MFSD11: variants seen among roughly 807,000 people sequenced by gnomAD.
MFSD11 encodes UNC93-like protein MFSD11.
In MFSD11, 36 loss-of-function variants were observed where a neutral mutation model predicts 53.5. The observed-to-expected ratio is 0.67, with a 90% CI of 0.52 to 0.89. The LOEUF (loss-of-function observed/expected upper bound fraction) is 0.89, where lower values mean the gene tolerates loss of function less well. Among genes scored for constraint, MFSD11 ranks in the 40% least tolerant of loss-of-function variants. The pLI is 0.00. For missense variants in MFSD11, 530 were observed against 543.9 expected, an observed-to-expected ratio of 0.97 and a Z score of 0.25; for synonymous variants, 186 against 184.9, an observed-to-expected ratio of 1.01 and a Z score of -0.05.
At chr17:76,761,259 G>T (rs1483521350) in intron 8 of MFSD11, among the ~76,000 whole-genome samples, 1 of 152,156 alleles carries the variant, frequency 6.6e-6, no homozygotes, top group Non-Finnish European at 1.5e-5. Flanking sequence ...AAAGTGATTT[G>T]TCATTAGGTA....
chr17:76,792,396 G>C, the MFSD11 span, among the ~76,000 whole-genome samples: 1 of 151,036 alleles, frequency 6.6e-6, no homozygotes, highest in Non-Finnish European at 1.5e-5. Context: ...TAGGATTACA[G>C]GCATGAGCCA....
intron 8 of MFSD11, chr17:76,767,164 G>A (rs2080922527): frequency 2.4e-6 from 1 of 416,862 alleles, no homozygotes; most frequent in Non-Finnish European, 4.2e-6. Context: ...AAAATGTGCT[G>A]AGGAAATGCA....
Position 76,779,290 on chromosome 17 carries a change from A to T in MFSD11, c.*938A>T, listed in dbSNP as rs575048291. On this transcript the variant is annotated 3_prime_UTR_variant, in exon 13 of 13. Coordinates refer to ENST00000685175, the MANE Select transcript of MFSD11 (RefSeq NM_001242532.5). The stretch of plus-strand genomic sequence containing the variant: ...AAAAAAAAAAGAAAAGAAAATAATA[A>T]TGATAATTTTTTAAAATAATGAAAA... The T allele has an allele frequency of 6.6e-6, 1 of 150,774 alleles. No homozygotes were observed. The highest frequency in any genetic ancestry group is 2.4e-5 in the African/African-American group (1 of 41,258). 9.3% of individuals were successfully genotyped at this position (150,774 alleles called of 1,614,324 possible).
upstream of MFSD11, chr17:76,737,469 G>A (rs1054662883): frequency 8.3e-6 from 3 of 363,232 alleles, no homozygotes; most frequent in Non-Finnish European, 1.0e-5. Context: ...GCCCCTACCC[G>A]AAGCGCCTGC....
chr17:76,747,989 G>C (rs1157414025), intron 7 of MFSD11: 1 of 151,778 alleles, frequency 6.6e-6, no homozygotes, highest in African/African-American at 2.4e-5. Flanking sequence ...GAACAAGACA[G>C]ATAAGTCCTT....
chr17:76,755,780 G>GTATACATATATA (rs1324156634), intron 8 of MFSD11, among the ~76,000 whole-genome samples: 13 of 67,794 alleles, frequency 1.9e-4, no homozygotes, highest in African/African-American at 4.0e-4. Flanking sequence ...GTGTGTGTGT[G>GTATACATATATA]TGTGTGTATA....
At chr17:76,752,941 A>G (rs536264068) in intron 7 of MFSD11, 2 of 152,296 alleles carry the variant, frequency 1.3e-5, no homozygotes, top group African/African-American at 4.8e-5. Context: ...AAATACTAAA[A>G]TTGGAACAAT....
At chr17:76,756,280 G>A (rs1415979364) in intron 8 of MFSD11, among the ~76,000 whole-genome samples, 3 of 150,912 alleles carry the variant, frequency 2.0e-5, no homozygotes, top group Non-Finnish European at 2.9e-5. Context: ...GTGCCACCAC[G>A]CCCAGCTAAT....
In MFSD11 at chr17:76,744,448, A is replaced by G. The variant is rs1188146618; in HGVS notation, c.623A>G (p.Gln208Arg). 6.2e-7 allele frequency: 1 copy of G among 1,606,280 alleles called. No homozygotes were observed. Among genetic ancestry groups the G allele is most frequent in the Non-Finnish European group, 8.5e-7 (1 of 1,178,064 alleles). Residue 208 changes from glutamine to arginine, a missense_variant, in exon 7 of 13, where the codon CAG becomes CGG. Transcript: ENST00000685175. ...GGAGAAGATGAGTCTTCTGATGACCAGGACATGGAAGTCAACGAGTAAGAT... is the reference window on the plus strand; with the variant it reads ...GGAGAAGATGAGTCTTCTGATGACCGGGACATGGAAGTCAACGAGTAAGAT... ...VLGEDESSDD[Q>R]DMEVNESAQN...
At chr17:76,762,149 A>C (rs761243031) in intron 8 of MFSD11, among the ~76,000 whole-genome samples, 6 of 152,024 alleles carry the variant, frequency 3.9e-5, no homozygotes, top group Non-Finnish European at 7.4e-5. Flanking sequence ...TATTGCACCC[A>C]TTCCTCTACT....
intron 8 of MFSD11, among the ~76,000 whole-genome samples, chr17:76,764,593 A>C (rs1290782140): frequency 5.3e-5 from 8 of 152,154 alleles, no homozygotes; most frequent in Non-Finnish European, 1.2e-4. Flanking sequence ...TCCTTTTGTA[A>C]GGCTGAATAA....
downstream of MFSD11, among the ~76,000 whole-genome samples, chr17:76,783,853 C>A (rs1394923274): frequency 6.6e-6 from 1 of 151,996 alleles, no homozygotes; most frequent in African/African-American, 2.4e-5. Flanking sequence ...CATGAGCCCC[C>A]ACTCCTGACC....
Position 76,744,616 on chromosome 17 carries a change from GC to G in MFSD11, c.641+151del, listed in dbSNP as rs1391711871. On this transcript the variant is annotated intron_variant, in intron 7 of 12. Transcript: ENST00000685175. ...AAAGGAAGAAAATAAAGGAGGAGCT[GC>G]GAGGGAGGAAGAAAAAAAAGGTCAC... 16 of 717,452 alleles carry G rather than the reference GC, an allele frequency of 2.2e-5. No homozygotes were observed. In the African/African-American group the frequency reaches 2.9e-4, roughly 13 times the overall value. 44.4% of individuals were successfully genotyped at this position (717,452 alleles called of 1,614,324 possible). A position where few individuals can be genotyped will look rare whatever the true frequency, so the allele number is the denominator to read the frequency against.
the MFSD11 span, among the ~76,000 whole-genome samples, chr17:76,791,223 A>C: frequency 6.7e-6 from 1 of 148,798 alleles, no homozygotes; most frequent in African/African-American, 2.5e-5. Context: ...TTTCTGTGTG[A>C]TAATTTAGAG....
rs1222575093 is a variant in MFSD11 at position 76,778,079 on chromosome 17, C to T, written c.1186-109C>T. 3.9e-6 allele frequency: 4 copies of T among 1,017,660 alleles called. 1 individual carries two copies. In the South Asian group the frequency reaches 4.4e-5, roughly 11 times the overall value. The allele number at this position is 1,017,660 out of a possible 1,614,324, so 63.0% of individuals were successfully genotyped here. ...CTTGATGCAGAAAGAATAGAAAGCA[C>T]TGTGAGTTCCAGGTGTCCTTGGGGC... On this transcript the variant is annotated intron_variant, in intron 12 of 12. Transcript: ENST00000685175.
chr17:76,737,327 C>G (rs1051713309), upstream of MFSD11: 13 of 900,440 alleles, frequency 1.4e-5, no homozygotes, highest in African/African-American at 1.3e-4. Context: ...ACCTGAGTAA[C>G]AACTGGGCGG....
At chr17:76,747,137 A>G (rs1315304118) in intron 7 of MFSD11, among the ~76,000 whole-genome samples, 2 of 152,158 alleles carry the variant, frequency 1.3e-5, no homozygotes, top group African/African-American at 4.8e-5. Context: ...GCTGCCATAG[A>G]TAATGATTCT....
intron 11 of MFSD11, among the ~76,000 whole-genome samples, chr17:76,775,396 T>C (rs2081729497): frequency 6.6e-6 from 1 of 152,214 alleles, no homozygotes. Flanking sequence ...CTAAATCTTT[T>C]TCTTGATCCT....
the MFSD11 span, among the ~76,000 whole-genome samples, chr17:76,798,729 A>G: frequency 6.6e-6 from 1 of 152,164 alleles, no homozygotes; most frequent in Non-Finnish European, 1.5e-5. Context: ...ATTATGATTT[A>G]GAAAATAAGG....
Sources: gnomAD v4.1 joint callset for allele counts (sites outside exome capture counted in the v4.1 genomes callset) on GRCh38, gnomAD v4.1.1 for gene constraint, MANE v1.5 for transcripts, NCBI Gene and HGNC (gene_info 2026-07-23, HGNC 2026-07-21) for gene names.